The following HTT variants were observed in gnomAD, a reference collection of about 807,000 sequenced individuals.
HTT encodes huntington disease protein.
In HTT, 104 loss-of-function variants were observed where a neutral mutation model predicts 362.3. That is an observed-to-expected ratio of 0.29 (90% confidence interval 0.24 to 0.34). The LOEUF (loss-of-function observed/expected upper bound fraction) is 0.34, where lower values mean the gene tolerates loss of function less well. Ranked by LOEUF, HTT falls within the 10% of genes least tolerant of loss-of-function variation. HTT has a pLI of 1.00. For missense variants in HTT, 3,301 were observed against 3,928.6 expected (o/e 0.84, Z 4.27); for synonymous variants, 1,577 against 1,548.7 (o/e 1.02, Z -0.43).
At chr4:3,136,184 A>G in intron 20 of HTT, 42 bp from the exon 21 acceptor site, 1 of 1,376,342 alleles carries the variant, frequency 7.3e-7, no homozygotes, top group African/African-American at 1.4e-5. Context: ...AATTTAGTCA[A>G]ATACAAGATT....
intron 4 of HTT, among the ~76,000 whole-genome samples, chr4:3,104,294 G>A (rs1295467526): frequency 1.3e-5 from 2 of 150,854 alleles, no homozygotes; most frequent in Admixed American, 6.6e-5. Context: ...CCACTGTGCC[G>A]GGCCTGATTG....
chr4:3,223,039 A>G (rs3025815), intron 54 of HTT, among the ~76,000 whole-genome samples: 4,816 of 152,322 alleles, frequency 0.032, 234 homozygotes, highest in African/African-American at 0.1. Flanking sequence ...GAGGGTAGAC[A>G]TATGTCACAA....
At position 3,212,604 on chromosome 4, in the gene HTT, G is replaced by A. The variant is rs367979379; in HGVS notation, c.6669G>A (p.Arg2223=). The A allele has an allele frequency of 1.3e-5, 21 of 1,614,102 alleles. No homozygotes were observed. The highest frequency in any genetic ancestry group is 1.8e-5 in the Non-Finnish European group (21 of 1,180,058). The change falls in exon 49 of 67, where the codon CGG becomes CGA. Residue 2223 remains arginine, a synonymous_variant. Transcript: ENST00000355072. ...ATCAGTCCCTGCCCACTCTGGCCCG[G>A]GCCCTGGCACAGTACCTGGTGGTGG... The part of the protein sequence containing the change: ...ALYQSLPTLA[R]ALAQYLVVVS...
chr4:3,094,896 G>T (rs1054939191), intron 2 of HTT, among the ~76,000 whole-genome samples: 47 of 151,470 alleles, frequency 3.1e-4, no homozygotes, highest in Non-Finnish European at 4.3e-4. Flanking sequence ...ACGGAGTCAC[G>T]GCCGGGCAGA....
chr4:3,178,173 A>T (rs565702208), intron 34 of HTT, 125 bp from the exon 35 acceptor site: 2 of 731,086 alleles, frequency 2.7e-6, no homozygotes, highest in South Asian at 3.5e-5. Context: ...AGAGTAGATC[A>T]CGGACACCTG....
At chr4:3,172,172 A>T in intron 29 of HTT, 148 bp from the exon 30 acceptor site, 1 of 646,232 alleles carries the variant, frequency 1.5e-6, no homozygotes, top group South Asian at 1.8e-5. Flanking sequence ...GACTGTTCAA[A>T]ATAAGAAATT....
At position 3,174,769 on chromosome 4, in the gene HTT, C is replaced by T; in HGVS notation, c.4215C>T (p.Leu1405=). The T allele has an allele frequency of 6.2e-7, 1 of 1,614,162 alleles. No individual in the cohort carries two copies. Among genetic ancestry groups the T allele is most frequent in the Middle Eastern group, 1.6e-4 (1 of 6,062 alleles). ...TGTCTACCCAGTTGAAGACAAACCT[C>T]ACGAGTGTCACAAAGAACCGTGCAG... is the stretch of plus-strand genomic sequence containing the variant. ...QKVSTQLKTN[L]TSVTKNRADK... The change falls in exon 32 of 67, where the codon CTC becomes CTT. Residue 1405 remains leucine (L), a synonymous_variant. Coordinates refer to ENST00000355072, the MANE Select transcript of HTT (RefSeq NM_001388492.1).
chr4:3,211,863 T>C, intron 47 of HTT, 66 bp from the exon 48 acceptor site: 1 of 1,165,670 alleles, frequency 8.6e-7, no homozygotes, highest in Non-Finnish European at 1.3e-6. Flanking sequence ...GTTGTGTTTT[T>C]CTTACCTGAT....
chr4:3,199,904 C>T lies in HTT; in HGVS notation c.5541C>T (p.Asp1847=). Residue 1847 remains aspartate, a synonymous_variant, in exon 41 of 67, where the codon GAC becomes GAT. Coordinates refer to ENST00000355072, the MANE Select transcript of HTT (RefSeq NM_001388492.1). ...TACTGCTGCTTGTCAACCACACCGA[C>T]TACCGCTGGTGGGCAGAAGTGCAGC... ...CQILLLVNHT[D]YRWWAEVQQT... is the part of the protein sequence containing the mutation. 2 of 1,614,140 alleles carry T rather than the reference C, an allele frequency of 1.2e-6. No individual in the cohort carries two copies. Among genetic ancestry groups the T allele is most frequent in the South Asian group, 2.2e-5 (2 of 91,086 alleles).
intron 5 of HTT, among the ~76,000 whole-genome samples, chr4:3,106,547 C>T (rs942384199): frequency 6.6e-6 from 1 of 152,164 alleles, no homozygotes; most frequent in Non-Finnish European, 1.5e-5. Context: ...TTGTCATTCC[C>T]TTATTTAAAC....
chr4:3,151,746 C>A (rs764608098), intron 26 of HTT, among the ~76,000 whole-genome samples: 7 of 152,184 alleles, frequency 4.6e-5, no homozygotes, highest in Non-Finnish European at 8.8e-5. Context: ...TTCCACAGAA[C>A]CGGTCCCTGG....
chr4:3,215,127 G>A lies in HTT; in HGVS notation c.6970G>A (p.Glu2324Lys). The stretch of plus-strand genomic sequence containing the variant: ...AATTTTAGTTGCAGTGCAGCCTGGA[G>A]AGCAGCTTCTTAGTCCAGAAAGAAG... ...ILEAVAVQPGEQLLSPERRTN... is the reference protein window; with the variant it reads ...ILEAVAVQPGKQLLSPERRTN... Residue 2324 changes from glutamate (E) to lysine (K), a missense_variant, in exon 51 of 67, where the codon GAG (glutamate) becomes AAG (lysine). By Grantham distance (56) the Glu-to-Lys change is moderately conservative. Around this residue, in one of 4 missense-constraint regions of HTT, gnomAD observed 220 missense variants for 218.5 expected, o/e 1.01. Coordinates refer to ENST00000355072, the MANE Select transcript of HTT (RefSeq NM_001388492.1). The A allele has an allele frequency of 6.2e-7, 1 of 1,613,952 alleles. No homozygotes were observed. Among genetic ancestry groups the A allele is most frequent in the Non-Finnish European group, 8.5e-7 (1 of 1,179,834 alleles).
chr4:3,101,807 T>C (rs1234283006), intron 3 of HTT, among the ~76,000 whole-genome samples: 1 of 152,186 alleles, frequency 6.6e-6, no homozygotes, highest in Non-Finnish European at 1.5e-5. Context: ...TGTGAGGTGC[T>C]GGCAAATCAC....
At position 3,142,806 on chromosome 4, in the gene HTT, G is replaced by T; in HGVS notation, c.2986G>T (p.Val996Phe). Residue 996 changes from valine to phenylalanine, a missense_variant, in exon 23 of 67, where the codon GTC (valine) becomes TTC (phenylalanine). This residue lies in a region of HTT where 2,316 missense variants were observed against 2,658.5 expected (regional missense o/e 0.87). Transcript: ENST00000355072. The stretch of plus-strand genomic sequence containing the variant: ...TAACCTACTACCAAGCATAACAGAC[G>T]TCACTATGGAAAATAACCTTTCAAG... The part of the protein sequence containing the change: ...GYNLLPSITD[V>F]TMENNLSRVI... 2 of 1,583,478 alleles carry T rather than the reference G, an allele frequency of 1.3e-6. No homozygotes were observed. Among genetic ancestry groups the T allele is most frequent in the Non-Finnish European group, 1.7e-6 (2 of 1,152,446 alleles).
intron 51 of HTT, 119 bp downstream of exon 51, chr4:3,215,330 G>A: frequency 3.0e-6 from 2 of 675,170 alleles, no homozygotes; most frequent in Admixed American, 2.6e-5. Context: ...GCTCCGCTGT[G>A]TCCTGCTGCT....
chr4:3,103,254 C>T (rs369683589), intron 3 of HTT, among the ~76,000 whole-genome samples: 132 of 86,458 alleles, frequency 1.5e-3, no homozygotes, highest in Non-Finnish European at 2.3e-3. Flanking sequence ...GATGGAGTTT[C>T]GCTCTTGTTG....
At position 3,119,091 on chromosome 4, in the gene HTT, G is replaced by T. The variant is rs115218539; in HGVS notation, c.1069-2137G>T. ...AGGAATAAATTGAAAAATAGAGGAAGCCCTGAAATCCAAGAAGCAAACTCT... is the reference window on the plus strand; with the variant it reads ...AGGAATAAATTGAAAAATAGAGGAATCCCTGAAATCCAAGAAGCAAACTCT... On this transcript the variant is annotated intron_variant, in intron 8 of 66. Coordinates refer to ENST00000355072, the MANE Select transcript of HTT (RefSeq NM_001388492.1). Among the ~76,000 whole-genome samples, 1,093 of 152,324 alleles carry T rather than the reference G, an allele frequency of 7.2e-3. 4 individuals are homozygous for T. Among genetic ancestry groups the T allele is most frequent in the Non-Finnish European group, 0.011 (732 of 68,030 alleles).
At chr4:3,198,193 C>T (rs1488590203) in intron 40 of HTT, among the ~76,000 whole-genome samples, 1 of 146,698 alleles carries the variant, frequency 6.8e-6, no homozygotes, top group African/African-American at 2.5e-5. Context: ...TTTTAGGACC[C>T]TTTCACTTTG....
chr4:3,223,885 T>C, intron 55 of HTT, 107 bp from the exon 56 acceptor site: 1 of 1,144,078 alleles, frequency 8.7e-7, no homozygotes, highest in South Asian at 1.4e-5. Flanking sequence ...TTTCATTTGG[T>C]ATTACACCAG....
Sources: gnomAD v4.1 joint callset for allele counts (sites outside exome capture counted in the v4.1 genomes callset) on GRCh38, gnomAD v4.1.1 for gene constraint, gnomAD v4.1.1 regional missense constraint, MANE v1.5 for transcripts, NCBI Gene and HGNC (gene_info 2026-07-23, HGNC 2026-07-21) for gene names.